Variants in LRP1B observed in about 807,000 individuals in gnomAD.
The protein encoded by LRP1B is LDL receptor related protein 1B.
In LRP1B, 217 loss-of-function variants were observed where a neutral mutation model predicts 556.6. The ratio of observed to expected loss-of-function variants is 0.39; its 90% CI spans 0.35 to 0.44. LRP1B has a LOEUF of 0.44. Among genes scored for constraint, LRP1B ranks in the 20% least tolerant of loss-of-function variants. The pLI is 1.00. For synonymous variants in LRP1B, 2,047 were observed against 1,865.8 expected, an observed-to-expected ratio of 1.10 and a Z score of -2.50; for missense variants, 5,053 against 5,620.8, an observed-to-expected ratio of 0.90 and a Z score of 3.23.
At position 140,456,542 on chromosome 2, in the gene LRP1B, A is replaced by G. The variant is rs1687114384; in HGVS notation, c.9876T>C (p.Pro3292=). The change falls in exon 62 of 91, where the codon CCT becomes CCC. Residue 3292 remains proline (P), a synonymous_variant. Transcript: ENST00000389484. The part of the protein sequence containing the change: ...GGCSHLCLLA[P]GKTHTCACPT... ...GACATGCACAAGTGTGGGTTTTTCC[A>G]GGGGCTAAAAGGCACAAATGACTGC... 6.2e-7 allele frequency: 1 copy of G among 1,613,400 alleles called. No homozygotes were observed. The highest frequency in any genetic ancestry group is 8.5e-7 in the Non-Finnish European group (1 of 1,179,554).
intron 2 of LRP1B, among the ~76,000 whole-genome samples, chr2:141,495,466 C>A (rs1262761316): frequency 2.0e-5 from 3 of 152,070 alleles, no homozygotes; most frequent in Non-Finnish European, 2.9e-5. Flanking sequence ...ACAGACATGA[C>A]CCAGTTTCAA....
intron 3 of LRP1B, among the ~76,000 whole-genome samples, chr2:141,380,853 A>T (rs898524569): frequency 1.8e-4 from 28 of 152,182 alleles, no homozygotes; most frequent in Non-Finnish European, 3.7e-4. Flanking sequence ...CTTGAGGACA[A>T]GTAAGATTGC....
At chr2:141,155,263 G>C (rs1161416868) in intron 7 of LRP1B, among the ~76,000 whole-genome samples, 1 of 151,386 alleles carries the variant, frequency 6.6e-6, no homozygotes, top group Admixed American at 6.6e-5. Context: ...TAAATTTAAT[G>C]TTCAGAAAGT....
chr2:140,771,033 T>C (rs370436589), intron 33 of LRP1B, 27 bp from the exon 34 acceptor site: 1 of 1,531,114 alleles, frequency 6.5e-7, no homozygotes, highest in South Asian at 1.3e-5. Context: ...TGAAACAAAT[T>C]TCTTTAATGA....
chr2:140,683,681 TG>T (rs1685943357), intron 41 of LRP1B: 1 of 706,162 alleles, frequency 1.4e-6, no homozygotes, highest in Non-Finnish European at 2.6e-6. Context: ...TCAGAATGGG[TG>T]CCTTCACTCC....
chr2:141,037,304 A>C lies in LRP1B; in HGVS notation c.1789+11682T>G, dbSNP rs187090895. Among the ~76,000 whole-genome samples the C allele has an allele frequency of 5.9e-5, 9 of 152,154 alleles. No homozygotes were observed. In the East Asian group the frequency reaches 1.7e-3, roughly 29 times the overall value. On this transcript the variant is annotated intron_variant, in intron 11 of 90. Coordinates refer to ENST00000389484, the MANE Select transcript of LRP1B (RefSeq NM_018557.3). ...CTATTTGATTGGCCAAATCCTTCACACTAATAAACTGACAATAAATATGCT... is the reference window on the plus strand; with the variant it reads ...CTATTTGATTGGCCAAATCCTTCACCCTAATAAACTGACAATAAATATGCT...
chr2:141,512,584 G>T (rs77612219), intron 2 of LRP1B, among the ~76,000 whole-genome samples: 4,147 of 152,248 alleles, frequency 0.027, 96 homozygotes, highest in Non-Finnish European at 0.037. Context: ...ACACCTGTCA[G>T]ACACAAACTG....
intron 52 of LRP1B, 36 bp downstream of exon 52, chr2:140,509,892 T>G (rs2104916361): frequency 6.3e-7 from 1 of 1,590,318 alleles, no homozygotes; most frequent in Non-Finnish European, 8.6e-7. Flanking sequence ...GCTGCAACAG[T>G]TTTCTTTGAC....
chr2:141,328,201 C>G (rs970890975), intron 3 of LRP1B, among the ~76,000 whole-genome samples: 2 of 152,112 alleles, frequency 1.3e-5, no homozygotes, highest in African/African-American at 4.8e-5. Context: ...ACATAGACAG[C>G]CAGTTTAATG....
chr2:141,796,981 T>G (rs6749148), intron 2 of LRP1B, among the ~76,000 whole-genome samples: 1 of 151,170 alleles, frequency 6.6e-6, no homozygotes, highest in Non-Finnish European at 1.5e-5. Context: ...AAAGGTAGAC[T>G]GTCCGTGTCT....
chr2:141,440,028 C>T (rs1212314321), intron 3 of LRP1B, among the ~76,000 whole-genome samples: 1 of 152,084 alleles, frequency 6.6e-6, no homozygotes, highest in African/African-American at 2.4e-5. Flanking sequence ...CTATTTTGGT[C>T]GACAACACAT....
chr2:140,575,236 C>T (rs1028324431), intron 43 of LRP1B, among the ~76,000 whole-genome samples: 1 of 152,148 alleles, frequency 6.6e-6, no homozygotes, highest in Admixed American at 6.5e-5. Context: ...CAAATTACAA[C>T]TCTATGAAAT....
rs1573999848 is a variant in LRP1B at position 141,484,188 on chromosome 2, C to A, written c.206-3655G>T. ...TTTCAGCTTTCTACATATGGCTAGC[C>A]AGTTTTCCCAGCACCATTTATTAAA... On this transcript the variant is annotated intron_variant, in intron 2 of 90. Coordinates refer to ENST00000389484, the MANE Select transcript of LRP1B (RefSeq NM_018557.3). Among the ~76,000 whole-genome samples the A allele has an allele frequency of 4.1e-5, 6 of 146,698 alleles. No homozygotes were observed. The South Asian group carries it at 1.3e-3, about 33-fold the overall frequency.
intron 90 of LRP1B, 87 bp from the exon 91 acceptor site, chr2:140,233,413 G>C (rs961892031): frequency 2.2e-5 from 19 of 846,156 alleles, no homozygotes; most frequent in Non-Finnish European, 2.8e-5. Context: ...TCTCCTAATC[G>C]TAACAATATT....
At chr2:140,957,207 G>A (rs140438397) in intron 18 of LRP1B, among the ~76,000 whole-genome samples, 1 of 151,650 alleles carries the variant, frequency 6.6e-6, no homozygotes, top group Non-Finnish European at 1.5e-5. Flanking sequence ...CCAGAGAAAG[G>A]GATATAAAAC....
At chr2:140,245,064 A>G (rs1413516624) in intron 87 of LRP1B, among the ~76,000 whole-genome samples, 1 of 151,406 alleles carries the variant, frequency 6.6e-6, no homozygotes, top group Non-Finnish European at 1.5e-5. Flanking sequence ...TTATTTGGTC[A>G]ACTTTGATCA....
chr2:141,626,158 A>G (rs1279756565), intron 2 of LRP1B, among the ~76,000 whole-genome samples: 1 of 152,174 alleles, frequency 6.6e-6, no homozygotes, highest in Admixed American at 6.5e-5. Flanking sequence ...AAGTAAATCC[A>G]CATAAATACA....
At chr2:140,346,645 G>A (rs993792574) in intron 77 of LRP1B, among the ~76,000 whole-genome samples, 5 of 151,832 alleles carry the variant, frequency 3.3e-5, no homozygotes, top group Admixed American at 6.6e-5. Context: ...AGACTTTGAA[G>A]TGTTTTTGCA....
chr2:141,276,718 A>G lies in LRP1B; in HGVS notation c.344-22077T>C, dbSNP rs572758225. 6.8e-3 allele frequency among the ~76,000 whole-genome samples: 992 copies of G among 146,024 alleles called. 5 individuals are homozygous for G. Among genetic ancestry groups the G allele is most frequent in the Middle Eastern group, 0.015 (4 of 270 alleles). ...GTCGCCCAGGCTGGAGTGCAGTGGC[A>G]AGATCTTGGCTCACTGCAAGCTCCG... On this transcript the variant is annotated intron_variant, in intron 3 of 90. Transcript: ENST00000389484.
Sources: gnomAD v4.1 joint callset for allele counts (sites outside exome capture counted in the v4.1 genomes callset) on GRCh38, gnomAD v4.1.1 for gene constraint, MANE v1.5 for transcripts, NCBI Gene and HGNC (gene_info 2026-07-23, HGNC 2026-07-21) for gene names.